Variants in LARS2 observed in about 807,000 individuals in gnomAD.
The protein encoded by LARS2 is leucyl-tRNA synthetase 2, mitochondrial.
In LARS2, 81 loss-of-function variants were observed where a neutral mutation model predicts 116.6. The ratio of observed to expected loss-of-function variants is 0.69; its 90% confidence interval spans 0.58 to 0.84. The LOEUF is 0.84. Among genes scored for constraint, LARS2 ranks in the 40% least tolerant of loss-of-function variants. LARS2 has a pLI of 0.00. For synonymous variants in LARS2, 396 were observed against 407.2 expected, an observed-to-expected ratio of 0.97 and a Z score of 0.33; for missense variants, 968 against 1,114.5, an observed-to-expected ratio of 0.87 and a Z score of 1.87.
At chr3:45,426,433 C>T (rs965726472) in intron 6 of LARS2, among the ~76,000 whole-genome samples, 53 of 152,162 alleles carry the variant, frequency 3.5e-4, no homozygotes, top group Non-Finnish European at 4.0e-4. Context: ...AGCAGATCTC[C>T]GGCTCTGGAT....
Position 45,391,352 on chromosome 3 carries a change from GC to G in LARS2, c.-87-230del, listed in dbSNP as rs562063072. ...TACAAAAAATTAGCCGGGTGTGGTG[GC>G]GGGCGCCTGTAATCCCAGCTACTCG... On this transcript the variant is annotated intron_variant, in intron 1 of 21. Transcript: ENST00000645846. 1.4e-3 allele frequency among the ~76,000 whole-genome samples: 214 copies of G among 151,996 alleles called. 2 individuals carry two copies. Among genetic ancestry groups the G allele is most frequent in the African/African-American group, 4.9e-3 (204 of 41,496 alleles).
chr3:45,491,978 G>A (rs1465404354), intron 13 of LARS2, among the ~76,000 whole-genome samples, 178 bp downstream of exon 13: 4 of 152,348 alleles, frequency 2.6e-5, no homozygotes, highest in African/African-American at 9.6e-5. Context: ...GGAATCTGTG[G>A]CCCTGCCTCT....
chr3:45,474,813 G>A (rs551653234), intron 9 of LARS2, among the ~76,000 whole-genome samples: 1 of 152,198 alleles, frequency 6.6e-6, no homozygotes, highest in African/African-American at 2.4e-5. Flanking sequence ...TGAGCAATGG[G>A]TCCATTACTC....
intron 11 of LARS2, among the ~76,000 whole-genome samples, chr3:45,488,198 G>T (rs1206061598): frequency 3.3e-5 from 5 of 152,100 alleles, no homozygotes; most frequent in Admixed American, 6.5e-5. Context: ...CTTTGGGAGG[G>T]TGAGGTGGGC....
At chr3:45,513,518 T>G (rs1194730560) in intron 16 of LARS2, among the ~76,000 whole-genome samples, 1 of 152,248 alleles carries the variant, frequency 6.6e-6, no homozygotes, top group Non-Finnish European at 1.5e-5. Flanking sequence ...AACTCAGGCA[T>G]GACCTCCTAT....
intron 7 of LARS2, among the ~76,000 whole-genome samples, chr3:45,448,895 TGTTTATGGCCAGTTTGGGGGCCA>T (rs747312052): frequency 4.6e-5 from 7 of 152,230 alleles, no homozygotes; most frequent in Non-Finnish European, 8.8e-5. Flanking sequence ...GCAGAGATTT[TGTTTATGGCCAGTTTGGGGGCCA>T]GTTTATGGCC....
intron 6 of LARS2, among the ~76,000 whole-genome samples, chr3:45,427,430 T>C (rs552439467): frequency 6.6e-6 from 1 of 152,292 alleles, no homozygotes; most frequent in East Asian, 1.9e-4. Context: ...AAAAGGAATC[T>C]TAGGAATGAT....
At chr3:45,396,121 C>G (rs981962280) in intron 3 of LARS2, among the ~76,000 whole-genome samples, 1 of 152,150 alleles carries the variant, frequency 6.6e-6, no homozygotes, top group Non-Finnish European at 1.5e-5. Flanking sequence ...ACATCTCATT[C>G]TTCTTAAGCA....
chr3:45,534,106 T>C (rs917149245), intron 20 of LARS2, among the ~76,000 whole-genome samples: 2 of 152,218 alleles, frequency 1.3e-5, no homozygotes, highest in Non-Finnish European at 2.9e-5. Context: ...TTTACAGATC[T>C]ATAGCAACTC....
At chr3:45,496,409 C>A in intron 14 of LARS2, 36 bp downstream of exon 14, 2 of 1,455,786 alleles carry the variant, frequency 1.4e-6, no homozygotes, top group South Asian at 1.1e-5. Context: ...GAGCATTTGT[C>A]AGTGTGGCTC....
intron 20 of LARS2, 44 bp from the exon 21 acceptor site, chr3:45,541,785 C>G (rs1700800211): frequency 1.2e-6 from 2 of 1,608,046 alleles, no homozygotes; most frequent in Non-Finnish European, 1.7e-6. Flanking sequence ...ATAAGCCTCC[C>G]TGTTCTTAGA....
At chr3:45,397,006 T>C (rs771358133) in intron 3 of LARS2, among the ~76,000 whole-genome samples, 38 of 152,214 alleles carry the variant, frequency 2.5e-4, no homozygotes, top group Non-Finnish European at 5.4e-4. Flanking sequence ...GTGCTCCTTT[T>C]ACTCTGTCAC....
intron 21 of LARS2, among the ~76,000 whole-genome samples, chr3:45,544,856 C>T (rs1010278218): frequency 6.6e-5 from 10 of 152,062 alleles, no homozygotes; most frequent in African/African-American, 2.4e-4. Context: ...TGTCGCAATA[C>T]CAGGAACAAA....
intron 6 of LARS2, among the ~76,000 whole-genome samples, chr3:45,432,848 A>G (rs543979442): frequency 6.6e-6 from 1 of 152,192 alleles, no homozygotes; most frequent in East Asian, 1.9e-4. Flanking sequence ...TCTTTGAAAA[A>G]ATCAACAAAA....
At chr3:45,433,231 G>T (rs1343386844) in intron 6 of LARS2, among the ~76,000 whole-genome samples, 2 of 152,026 alleles carry the variant, frequency 1.3e-5, no homozygotes, top group African/African-American at 4.8e-5. Context: ...TAATTGGCAT[G>T]TGTAGACCAT....
chr3:45,471,621 G>A (rs528787767), intron 8 of LARS2, among the ~76,000 whole-genome samples: 49 of 152,280 alleles, frequency 3.2e-4, no homozygotes, highest in African/African-American at 1.1e-3. Flanking sequence ...ACTTAGTCAG[G>A]GAGATTGAGC....
intron 5 of LARS2, among the ~76,000 whole-genome samples, chr3:45,418,166 C>T (rs916701973): frequency 1.3e-5 from 2 of 152,192 alleles, no homozygotes; most frequent in African/African-American, 4.8e-5. Context: ...GAGGGCCTCA[C>T]CCTAGAACTT....
At chr3:45,509,118 C>T (rs1700243189) in intron 15 of LARS2, among the ~76,000 whole-genome samples, 1 of 152,100 alleles carries the variant, frequency 6.6e-6, no homozygotes, top group African/African-American at 2.4e-5. Context: ...AGAAAGCTGA[C>T]TCAGAAATCC....
At position 45,488,726 on chromosome 3, in the gene LARS2, A is replaced by G; in HGVS notation, c.1153A>G (p.Ile385Val). 2.5e-6 allele frequency: 4 copies of G among 1,613,408 alleles called. No individual in the cohort carries two copies. Among genetic ancestry groups the G allele is most frequent in the Non-Finnish European group, 3.4e-6 (4 of 1,179,284 alleles). Residue 385 changes from isoleucine to valine, a missense_variant, in exon 12 of 22, where the codon ATC (isoleucine) becomes GTC (valine). Physicochemically the swap from Ile to Val is conservative, Grantham distance 29 (BLOSUM62 3). Coordinates refer to ENST00000645846, the MANE Select transcript of LARS2 (RefSeq NM_015340.4). The part of the protein sequence containing the change: ...GIPSTSSEDT[I>V]LAQTLGLAYS... ...TCCCAGTACTAGCTCAGAGGACACC[A>G]TCTTAGCCCAAACCCTGGGCCTGGC...
Sources: allele counts gnomAD v4.1 joint callset (sites outside exome capture counted in the v4.1 genomes callset), GRCh38; gene constraint gnomAD v4.1.1; transcripts MANE v1.5; gene names NCBI Gene and HGNC (gene_info 2026-07-23, HGNC 2026-07-21).